PCDHAC1: variants seen among roughly 807,000 people sequenced by gnomAD.
PCDHAC1 encodes the protein protocadherin alpha-C1.
PCDHAC1 carries 42 observed loss-of-function variants against 60.0 expected under a neutral mutation model. That is an observed-to-expected ratio of 0.70 (90% CI 0.55 to 0.90). The LOEUF (loss-of-function observed/expected upper bound fraction) is 0.90, where lower values mean the gene tolerates loss of function less well. Among genes scored for constraint, PCDHAC1 ranks in the 40% least tolerant of loss-of-function variants. The pLI, the probability that PCDHAC1 is intolerant of heterozygous loss-of-function variation, is 0.00. For missense variants in PCDHAC1, 1,160 were observed against 1,222.3 expected (o/e 0.95, Z 0.76); for synonymous variants, 468 against 499.3 (o/e 0.94, Z 0.84).
At chr5:140,960,177 G>C (rs2095530246) in intron 1 of PCDHAC1, among the ~76,000 whole-genome samples, 1 of 152,052 alleles carries the variant, frequency 6.6e-6, no homozygotes, top group Non-Finnish European at 1.5e-5. Flanking sequence ...CTTAAGTTAG[G>C]GGTTGCATGT....
At chr5:140,932,066 G>C (rs1196454003) in intron 1 of PCDHAC1, among the ~76,000 whole-genome samples, 1 of 151,752 alleles carries the variant, frequency 6.6e-6, no homozygotes, top group Non-Finnish European at 1.5e-5. Flanking sequence ...AAAATTATCA[G>C]TTTAAGAAAT....
chr5:141,012,183 A>G lies in PCDHAC1; in HGVS notation c.*2246A>G, dbSNP rs1554263839. The stretch of plus-strand genomic sequence containing the variant: ...TAATTTATTAATGATGATAATTATA[A>G]TGTATCTGTACAGCACTTTTTACAT... On this transcript the variant is annotated 3_prime_UTR_variant, in exon 4 of 4. Coordinates refer to ENST00000253807, the MANE Select transcript of PCDHAC1 (RefSeq NM_018898.5). The G allele has an allele frequency of 6.5e-6, 1 of 153,782 alleles. No homozygotes were observed. Among genetic ancestry groups the G allele is most frequent in the Admixed American group, 6.5e-5 (1 of 15,280 alleles). 9.5% of individuals were successfully genotyped at this position (153,782 alleles called of 1,614,324 possible). A position where few individuals can be genotyped will look rare whatever the true frequency, so the allele number is the denominator to read the frequency against.
chr5:140,952,266 G>T (rs2094712993), intron 1 of PCDHAC1, among the ~76,000 whole-genome samples: 1 of 151,598 alleles, frequency 6.6e-6, no homozygotes, highest in South Asian at 2.1e-4. Context: ...CCATTCTGGG[G>T]TCTTGAGGGT....
chr5:140,945,124 C>T (rs269553), intron 1 of PCDHAC1, among the ~76,000 whole-genome samples: 48,193 of 151,846 alleles, frequency 0.32, 7,977 homozygotes, highest in East Asian at 0.53. Flanking sequence ...AAAAAATCAA[C>T]TTACAAAAAT....
intron 1 of PCDHAC1, among the ~76,000 whole-genome samples, chr5:140,940,317 A>G (rs782009825): frequency 1.5e-4 from 23 of 152,024 alleles, no homozygotes; most frequent in Non-Finnish European, 2.2e-4. Context: ...CTTTCTTCCA[A>G]TTTTACTAAT....
chr5:140,993,526 A>G (rs1554253825), intron 3 of PCDHAC1, among the ~76,000 whole-genome samples: 1 of 147,824 alleles, frequency 6.8e-6, no homozygotes, highest in Admixed American at 6.7e-5. Flanking sequence ...AGAGAGACAG[A>G]GAGAGAGAGA....
intron 3 of PCDHAC1, among the ~76,000 whole-genome samples, chr5:140,985,179 C>T (rs1056430017): frequency 5.9e-5 from 9 of 152,132 alleles, no homozygotes; most frequent in African/African-American, 1.9e-4. Flanking sequence ...CCTCGTAATC[C>T]GCCTGCCTCG....
At chr5:140,973,728 C>G (rs1193811831) in intron 1 of PCDHAC1, among the ~76,000 whole-genome samples, 1 of 152,232 alleles carries the variant, frequency 6.6e-6, no homozygotes, top group African/African-American at 2.4e-5. Context: ...ACATGGGCAT[C>G]TGGTCTAACT....
chr5:140,937,911 CAA>C (rs200797202), intron 1 of PCDHAC1, among the ~76,000 whole-genome samples: 76 of 117,920 alleles, frequency 6.4e-4, no homozygotes, highest in Admixed American at 7.8e-4. Context: ...GACTCCGTCT[CAA>C]AAAAAAAAAA....
intron 3 of PCDHAC1, among the ~76,000 whole-genome samples, chr5:141,000,421 A>ATATAT (rs1265241806): frequency 3.6e-5 from 1 of 27,980 alleles, no homozygotes; most frequent in East Asian, 1.4e-3. Flanking sequence ...ATATATATAT[A>ATATAT]TTTTTTTTTT....
intron 1 of PCDHAC1, among the ~76,000 whole-genome samples, chr5:140,941,194 TCTTTCTTCCTTTCTTTCTTCCTTTC>T (rs1257521577): frequency 8.9e-6 from 1 of 112,354 alleles, no homozygotes; most frequent in Admixed American, 9.1e-5. Context: ...TCTTTTTTTT[TCTTTCTTCCTTTCTTTCTTCCTTTC>T]TTTCTTTCTT....
At position 140,933,888 on chromosome 5, in the gene PCDHAC1, T is replaced by C. The variant is rs148048721; in HGVS notation, c.2433+4563T>C. On this transcript the variant is annotated intron_variant, in intron 1 of 3. Transcript: ENST00000253807. ...ATATATGTTAGTTTTATCTGTACTTTTGAATATTTTGGCATAAAGTTGTTT... is the reference window on the plus strand; with the variant it reads ...ATATATGTTAGTTTTATCTGTACTTCTGAATATTTTGGCATAAAGTTGTTT... Among the ~76,000 whole-genome samples the C allele has an allele frequency of 7.7e-3, 1,170 of 152,222 alleles. 4 individuals are homozygous for C. Among genetic ancestry groups the C allele is most frequent in the Admixed American group, 0.013 (200 of 15,288 alleles).
chr5:141,004,745 A>C (rs1282005519), intron 3 of PCDHAC1, among the ~76,000 whole-genome samples: 2 of 152,158 alleles, frequency 1.3e-5, no homozygotes, highest in Non-Finnish European at 2.9e-5. Flanking sequence ...CTTTTGTCTC[A>C]GTCTCTTAGA....
chr5:140,992,390 C>T (rs1007853972), intron 3 of PCDHAC1, among the ~76,000 whole-genome samples: 1 of 152,082 alleles, frequency 6.6e-6, no homozygotes, highest in Admixed American at 6.6e-5. Context: ...GTGTTCTGGA[C>T]TTAGAGATAT....
intron 3 of PCDHAC1, 63 bp downstream of exon 3, chr5:140,982,626 T>C (rs782343298): frequency 2.5e-5 from 39 of 1,581,800 alleles, no homozygotes; most frequent in Non-Finnish European, 2.8e-5. Context: ...TGACCTACTT[T>C]TGTAAGATCA....
At chr5:140,995,424 A>G (rs868948138) in intron 3 of PCDHAC1, among the ~76,000 whole-genome samples, 10 of 152,186 alleles carry the variant, frequency 6.6e-5, no homozygotes, top group South Asian at 2.1e-4. Flanking sequence ...ATTACTCAGA[A>G]CAGCTTGCAA....
chr5:140,939,607 A>G (rs1396731179), intron 1 of PCDHAC1, among the ~76,000 whole-genome samples: 2 of 152,244 alleles, frequency 1.3e-5, no homozygotes, highest in Non-Finnish European at 2.9e-5. Flanking sequence ...CAAAAACAGA[A>G]CAAGGAGACA....
intron 1 of PCDHAC1, among the ~76,000 whole-genome samples, chr5:140,970,004 G>A (rs1322154107): frequency 6.6e-6 from 1 of 152,200 alleles, no homozygotes; most frequent in Non-Finnish European, 1.5e-5. Context: ...CAGAGGGAGT[G>A]GATGATGGTG....
chr5:140,993,408 A>G (rs985721464), intron 3 of PCDHAC1, among the ~76,000 whole-genome samples: 1 of 150,930 alleles, frequency 6.6e-6, no homozygotes, highest in African/African-American at 2.4e-5. Flanking sequence ...AACCACCTTC[A>G]TCAGCATTTC....
Sources: allele counts gnomAD v4.1 joint callset (sites outside exome capture counted in the v4.1 genomes callset), GRCh38; gene constraint gnomAD v4.1.1; transcripts MANE v1.5; gene names NCBI Gene and HGNC (gene_info 2026-07-23, HGNC 2026-07-21).